FARS2: variants seen among roughly 807,000 people sequenced by gnomAD.
The protein encoded by FARS2 is phenylalanyl-tRNA synthetase 2, mitochondrial, also known as phenylalanine--tRNA ligase, mitochondrial.
Under a neutral mutation model 46.4 loss-of-function variants are expected in FARS2, and 40 were observed. The observed-to-expected ratio is 0.86, with a 90% CI of 0.67 to 1.12. The LOEUF is 1.12. FARS2 is among the 50% of genes most tolerant of loss of function. The pLI is 0.00. For synonymous variants in FARS2, 234 were observed against 214.9 expected, an observed-to-expected ratio of 1.09 and a Z score of -0.78; for missense variants, 513 against 567.9, an observed-to-expected ratio of 0.90 and a Z score of 0.98.
At chr6:5,421,965 C>T (rs965508416) in intron 3 of FARS2, among the ~76,000 whole-genome samples, 1 of 152,192 alleles carries the variant, frequency 6.6e-6, no homozygotes, top group Non-Finnish European at 1.5e-5. Flanking sequence ...TTCAGCAGCG[C>T]CCCACTCTGC....
chr6:5,635,394 G>T (rs1776493507), intron 6 of FARS2, among the ~76,000 whole-genome samples: 2 of 152,088 alleles, frequency 1.3e-5, no homozygotes. Flanking sequence ...CTTTCTTAAG[G>T]TCTAATTGTT....
intron 4 of FARS2, among the ~76,000 whole-genome samples, chr6:5,464,674 T>TA (rs1765419529): frequency 6.6e-6 from 1 of 152,202 alleles, no homozygotes; most frequent in Non-Finnish European, 1.5e-5. Flanking sequence ...TGGGACCACA[T>TA]ACAGTATTTT....
At chr6:5,478,037 A>G (rs1333213371) in intron 4 of FARS2, among the ~76,000 whole-genome samples, 1 of 151,438 alleles carries the variant, frequency 6.6e-6, no homozygotes, top group Admixed American at 6.6e-5. Context: ...AAACAAACAA[A>G]CAAAAAACAA....
chr6:5,505,380 G>C (rs184744006), intron 4 of FARS2, among the ~76,000 whole-genome samples: 22 of 152,238 alleles, frequency 1.4e-4, no homozygotes, highest in Non-Finnish European at 2.6e-4. Context: ...TTGGACAGTT[G>C]TCTGTCTGGC....
chr6:5,567,527 T>C (rs547809390), intron 5 of FARS2, among the ~76,000 whole-genome samples: 3 of 152,306 alleles, frequency 2.0e-5, no homozygotes, highest in African/African-American at 7.2e-5. Context: ...CTGATATTAT[T>C]TGATGTGGTT....
chr6:5,738,169 C>T (rs1366251614), intron 6 of FARS2, among the ~76,000 whole-genome samples: 1 of 152,174 alleles, frequency 6.6e-6, no homozygotes, highest in African/African-American at 2.4e-5. Context: ...CCAAGCTGGT[C>T]TCAAACTCCA....
At chr6:5,296,383 C>T (rs145014874) in intron 1 of FARS2, among the ~76,000 whole-genome samples, 1,680 of 152,110 alleles carry the variant, frequency 0.011, 32 homozygotes, top group African/African-American at 0.038. Context: ...CCTCGTGATC[C>T]GCCCGCCTTG....
At chr6:5,718,621 T>A (rs1213299829) in intron 6 of FARS2, among the ~76,000 whole-genome samples, 2 of 152,114 alleles carry the variant, frequency 1.3e-5, no homozygotes, top group South Asian at 4.1e-4. Context: ...ATTTTTTTTT[T>A]AAACCAAAGC....
intron 2 of FARS2, among the ~76,000 whole-genome samples, chr6:5,371,543 T>G (rs975735065): frequency 6.6e-6 from 1 of 152,132 alleles, no homozygotes; most frequent in Admixed American, 6.5e-5. Context: ...AAAAAAATCT[T>G]TTGTATTTTG....
the FARS2 span, among the ~76,000 whole-genome samples, chr6:5,255,275 A>G: frequency 1.3e-5 from 2 of 152,320 alleles, no homozygotes; most frequent in South Asian, 2.1e-4. Context: ...ATGAGTATAC[A>G]GGGGAAATTA....
intron 5 of FARS2, among the ~76,000 whole-genome samples, chr6:5,590,725 C>T (rs1188606399): frequency 6.6e-6 from 1 of 152,168 alleles, no homozygotes. Context: ...CTGGCCAGCA[C>T]TTTAATTTTT....
chr6:5,325,386 C>T (rs530988912), intron 1 of FARS2, among the ~76,000 whole-genome samples: 177 of 152,380 alleles, frequency 1.2e-3, no homozygotes, highest in Middle Eastern at 3.4e-3. Context: ...CTAAGTACTG[C>T]CCCCTCCTGC....
chr6:5,333,916 A>G (rs111896076), intron 1 of FARS2, among the ~76,000 whole-genome samples: 607 of 151,808 alleles, frequency 4.0e-3, no homozygotes, highest in Non-Finnish European at 6.9e-3. Flanking sequence ...TGGAACCTCA[A>G]CCTCTTCCAG....
intron 6 of FARS2, among the ~76,000 whole-genome samples, chr6:5,699,122 A>C (rs570556938): frequency 3.3e-5 from 5 of 152,350 alleles, no homozygotes; most frequent in East Asian, 1.9e-4. Flanking sequence ...AGCCCACCCC[A>C]TAGCAACAGC....
intron 1 of FARS2, among the ~76,000 whole-genome samples, chr6:5,262,557 G>T (rs992339606): frequency 1.3e-5 from 2 of 152,168 alleles, no homozygotes; most frequent in African/African-American, 2.4e-5. Context: ...GGGATTACAG[G>T]TGTGAGTCAT....
intron 6 of FARS2, among the ~76,000 whole-genome samples, chr6:5,651,325 G>C (rs1460341667): frequency 3.9e-5 from 6 of 152,188 alleles, no homozygotes; most frequent in Non-Finnish European, 8.8e-5. Context: ...ACACAGGACT[G>C]TCGATTGAAA....
At chr6:5,437,118 A>C (rs2127780145) in intron 4 of FARS2, among the ~76,000 whole-genome samples, 1 of 152,294 alleles carries the variant, frequency 6.6e-6, no homozygotes, top group Middle Eastern at 3.4e-3. Flanking sequence ...ATTATAGATT[A>C]GTTTGGATTT....
At chr6:5,713,909 C>A (rs1444925407) in intron 6 of FARS2, among the ~76,000 whole-genome samples, 2 of 152,170 alleles carry the variant, frequency 1.3e-5, no homozygotes, top group Non-Finnish European at 2.9e-5. Flanking sequence ...GAAATTTAGT[C>A]CATATGTTTA....
In FARS2 at chr6:5,609,654, T is replaced by A; in HGVS notation, c.1066-3515T>A. 4 of 1,240,672 alleles carry A rather than the reference T, an allele frequency of 3.2e-6. No homozygotes were observed. The South Asian group carries it at 4.8e-5, about 15-fold the overall frequency. The allele number at this position is 1,240,672 out of a possible 1,614,324, so 76.9% of individuals were successfully genotyped here. A position where few individuals can be genotyped will look rare whatever the true frequency, so the allele number is the denominator to read the frequency against. On this transcript the variant is annotated intron_variant, in intron 5 of 6. Transcript: ENST00000274680. The stretch of plus-strand genomic sequence containing the variant: ...ACCATCTCTTGCTTTGACAGGGCTT[T>A]CCTAACTTCACAGTTGTGGCCATTC...
Sources: allele counts gnomAD v4.1 joint callset (sites outside exome capture counted in the v4.1 genomes callset), GRCh38; gene constraint gnomAD v4.1.1; transcripts MANE v1.5; gene names NCBI Gene and HGNC (gene_info 2026-07-23, HGNC 2026-07-21).